Variants in OPA1 observed in about 807,000 individuals in gnomAD.
OPA1 encodes OPA1 mitochondrial dynamin like GTPase.
A neutral mutation model predicts 152.9 loss-of-function variants in OPA1; 59 were observed. That is an observed-to-expected ratio of 0.39 (90% CI 0.31 to 0.48). The LOEUF is 0.48. Among genes scored for constraint, OPA1 ranks in the 20% least tolerant of loss-of-function variants. The pLI, the probability that OPA1 is intolerant of heterozygous loss-of-function variation, is 0.96. For missense variants in OPA1, 1,008 were observed against 1,216.8 expected (o/e 0.83, Z 2.55); for synonymous variants, 400 against 389.9 (o/e 1.03, Z -0.31).
At position 193,643,659 on chromosome 3, in the gene OPA1, A is replaced by G. The variant is rs116806904; in HGVS notation, c.1477+32A>G. On this transcript the variant is annotated intron_variant, in intron 15 of 30. Coordinates refer to ENST00000361510, the MANE Select transcript of OPA1 (RefSeq NM_130837.3). ...CATATCAAAAGATTTTAATGTACTGATATGTTTTCTTCTTTAGCAATCCAA... is the reference window on the plus strand; with the variant it reads ...CATATCAAAAGATTTTAATGTACTGGTATGTTTTCTTCTTTAGCAATCCAA... The G allele has an allele frequency of 1.0e-2, 15,354 of 1,536,228 alleles. 113 individuals are homozygous for G. The highest frequency in any genetic ancestry group is 0.012 in the Non-Finnish European group (13,745 of 1,110,840).
chr3:193,677,379 G>A (rs557065920), intron 29 of OPA1, among the ~76,000 whole-genome samples: 1 of 144,570 alleles, frequency 6.9e-6, no homozygotes, highest in Non-Finnish European at 1.5e-5. Flanking sequence ...CTGCAGCCTT[G>A]AACTCCTGGG....
At chr3:193,666,252 A>G (rs950321600) in intron 27 of OPA1, 44 bp from the exon 28 acceptor site, 29 of 1,527,880 alleles carry the variant, frequency 1.9e-5, no homozygotes, top group Non-Finnish European at 2.6e-5. Context: ...GATAGTTTTC[A>G]TTTTAACTTT....
chr3:193,636,427 T>C (rs1336181020), intron 9 of OPA1, among the ~76,000 whole-genome samples: 1 of 131,554 alleles, frequency 7.6e-6, no homozygotes, highest in Non-Finnish European at 1.7e-5. Context: ...GCTTGCCATT[T>C]AATTTTTTCT....
chr3:193,643,697 A>G (rs1734120501), intron 15 of OPA1, 70 bp downstream of exon 15: 2 of 1,341,946 alleles, frequency 1.5e-6, no homozygotes, highest in Non-Finnish European at 1.1e-6. Flanking sequence ...TTTGCATTAA[A>G]TAGTTTGTGT....
intron 6 of OPA1, among the ~76,000 whole-genome samples, chr3:193,621,506 G>A (rs539251081): frequency 6.6e-6 from 1 of 152,276 alleles, no homozygotes; most frequent in African/African-American, 2.4e-5. Context: ...ACAGGCTAAC[G>A]AATTAATCAA....
At chr3:193,595,184 C>G (rs2108765383) in intron 1 of OPA1, among the ~76,000 whole-genome samples, 1 of 152,260 alleles carries the variant, frequency 6.6e-6, no homozygotes, top group East Asian at 1.9e-4. Flanking sequence ...TTTTCTTTTG[C>G]TATAGTTCCT....
At chr3:193,633,073 C>T (rs916583511) in intron 8 of OPA1, among the ~76,000 whole-genome samples, 4 of 148,346 alleles carry the variant, frequency 2.7e-5, no homozygotes, top group East Asian at 2.0e-4. Flanking sequence ...CCTCACTATA[C>T]GCTAGACTCA....
chr3:193,664,024 A>T (rs1253433852), intron 26 of OPA1, among the ~76,000 whole-genome samples: 1 of 152,070 alleles, frequency 6.6e-6, no homozygotes, highest in African/African-American at 2.4e-5. Flanking sequence ...AGTGGTATAG[A>T]AGAGATGTTA....
rs768090726 is a variant in OPA1, at chr3:193,642,760, A to G, written c.1150-5A>G. 3.1e-6 allele frequency: 5 copies of G among 1,601,884 alleles called. No individual in the cohort carries two copies. The highest frequency in any genetic ancestry group is 2.2e-5 in the South Asian group (2 of 90,786). On this transcript the variant is annotated splice_region_variant and splice_polypyrimidine_tract_variant and intron_variant, in intron 11 of 30. Coordinates refer to ENST00000361510, the MANE Select transcript of OPA1 (RefSeq NM_130837.3). ...CATTACCTCTCAGTTTTCTGTTACT[A>G]TCAGGTGACTCTGAGTGAAGGTCCT... is the stretch of plus-strand genomic sequence containing the variant.
intron 15 of OPA1, 67 bp from the exon 16 acceptor site, chr3:193,643,908 G>T: frequency 5.9e-6 from 9 of 1,519,066 alleles, no homozygotes; most frequent in Non-Finnish European, 8.2e-6. Flanking sequence ...GGTATAATTT[G>T]TACTGAGTTT....
chr3:193,612,777 C>T (rs976595072), intron 1 of OPA1, among the ~76,000 whole-genome samples: 1 of 152,156 alleles, frequency 6.6e-6, no homozygotes, highest in African/African-American at 2.4e-5. Flanking sequence ...AAATAAGGTA[C>T]TTATCAGAGG....
intron 29 of OPA1, chr3:193,691,336 C>T (rs932290083): frequency 6.6e-6 from 1 of 152,216 alleles, no homozygotes; most frequent in African/African-American, 2.4e-5. Context: ...AGGAAATCTA[C>T]ATTTCAGAGA....
chr3:193,640,086 C>T (rs1250292700), intron 11 of OPA1, among the ~76,000 whole-genome samples: 2 of 152,090 alleles, frequency 1.3e-5, no homozygotes, highest in African/African-American at 2.4e-5. Context: ...GTGGTGATAA[C>T]AAGCAGTTGG....
Position 193,664,942 on chromosome 3 carries a change from T to C in OPA1, c.2724T>C (p.Cys908=). The change falls in exon 27 of 31, where the codon TGT becomes TGC. Residue 908 remains cysteine (C), a synonymous_variant. Transcript: ENST00000361510. Reference sequence around the variant, plus strand: ...TTTTAAAAACAGCTCTAAACCATTGTAACCTTTGTCGAAGAGGTTTTTATT... The same window carrying C: ...TTTTAAAAACAGCTCTAAACCATTGCAACCTTTGTCGAAGAGGTTTTTATT... ...RHFLKTALNH[C]NLCRRGFYYY... 6.2e-7 allele frequency: 1 copy of C among 1,609,772 alleles called. No homozygotes were observed.
intron 29 of OPA1, chr3:193,668,755 C>A: frequency 8.0e-7 from 1 of 1,248,206 alleles, no homozygotes. Flanking sequence ...ACCCCCCTAG[C>A]TTGGCCCTAC....
At chr3:193,600,787 C>T (rs6790120) in intron 1 of OPA1, among the ~76,000 whole-genome samples, 65,313 of 152,016 alleles carry the variant, frequency 0.43, 14,288 homozygotes, top group Non-Finnish European at 0.44. Flanking sequence ...AAAACCCAAG[C>T]TTGCCATTCA....
intron 1 of OPA1, among the ~76,000 whole-genome samples, chr3:193,604,212 C>T (rs890097431): frequency 3.3e-5 from 5 of 152,180 alleles, no homozygotes; most frequent in Non-Finnish European, 5.9e-5. Flanking sequence ...TGTTTAGCAC[C>T]GTGTTCCTGA....
chr3:193,626,673 AATT>A (rs1471476436), intron 7 of OPA1, among the ~76,000 whole-genome samples: 1 of 152,240 alleles, frequency 6.6e-6, no homozygotes, highest in Non-Finnish European at 1.5e-5. Context: ...TGTAGAAGAA[AATT>A]ATTTTGACTT....
At chr3:193,669,446 T>C (rs1717435358) in intron 29 of OPA1, among the ~76,000 whole-genome samples, 1 of 152,220 alleles carries the variant, frequency 6.6e-6, no homozygotes, top group African/African-American at 2.4e-5. Context: ...GAATTGCCAT[T>C]TACTACTAGC....
Sources: allele counts gnomAD v4.1 joint callset (sites outside exome capture counted in the v4.1 genomes callset), GRCh38; gene constraint gnomAD v4.1.1; transcripts MANE v1.5; gene names NCBI Gene and HGNC (gene_info 2026-07-23, HGNC 2026-07-21).